PALM2AKAP2: variants seen among roughly 807,000 people sequenced by gnomAD.
PALM2AKAP2 encodes the protein PALM2 and AKAP2 fusion, also known as PALM2-AKAP2 fusion protein.
In PALM2AKAP2, 37 loss-of-function variants were observed where a neutral mutation model predicts 71.5. That is an observed-to-expected ratio of 0.52 (90% CI 0.40 to 0.68). PALM2AKAP2 has a LOEUF of 0.68. Among genes scored for constraint, PALM2AKAP2 ranks in the 30% least tolerant of loss-of-function variants. The pLI, the probability that PALM2AKAP2 is intolerant of heterozygous loss-of-function variation, is 0.00. For missense variants in PALM2AKAP2, 1,224 were observed against 1,191.8 expected (o/e 1.03, Z -0.40); for synonymous variants, 468 against 478.8 (o/e 0.98, Z 0.29).
At chr9:109,866,956 G>T in intron 1 of PALM2AKAP2, 1 of 448,284 alleles carries the variant, frequency 2.2e-6, no homozygotes, top group Non-Finnish European at 4.5e-6. Context: ...CATTTGCATT[G>T]TTTGGTATGT....
intron 1 of PALM2AKAP2, among the ~76,000 whole-genome samples, chr9:109,720,340 G>A (rs1453998841): frequency 6.6e-6 from 1 of 152,134 alleles, no homozygotes; most frequent in African/African-American, 2.4e-5. Flanking sequence ...ATAAATGAGA[G>A]GGAACAGATG....
rs115211166 is a variant in PALM2AKAP2 at position 109,891,454 on chromosome 9, G to A, written c.257+10773G>A. 6.8e-3 allele frequency among the ~76,000 whole-genome samples: 1,042 copies of A among 152,152 alleles called. 8 individuals are homozygous for A. The highest frequency in any genetic ancestry group is 0.013 in the African/African-American group (529 of 41,474). ...ATGGAGATGAAGACTTTTACAGGTC[G>A]CAGGGGAACACTGACATGTCACTCA... On this transcript the variant is annotated intron_variant, in intron 3 of 9. Coordinates refer to the PALM2AKAP2 transcript ENST00000302798.
intron 1 of PALM2AKAP2, among the ~76,000 whole-genome samples, chr9:109,799,028 C>T (rs1012632455): frequency 6.6e-6 from 1 of 152,178 alleles, no homozygotes; most frequent in Admixed American, 6.5e-5. Flanking sequence ...TCACGGATCC[C>T]CTTGCTGTGC....
chr9:109,899,366 C>G (rs1830278611), intron 3 of PALM2AKAP2, among the ~76,000 whole-genome samples: 2 of 152,182 alleles, frequency 1.3e-5, no homozygotes, highest in Non-Finnish European at 2.9e-5. Context: ...TTGATTCCTT[C>G]TACACTTTTT....
intron 3 of PALM2AKAP2, among the ~76,000 whole-genome samples, chr9:109,919,520 T>C (rs1205603685): frequency 6.6e-6 from 1 of 152,150 alleles, no homozygotes; most frequent in Non-Finnish European, 1.5e-5. Flanking sequence ...AGGTGTGCCC[T>C]GTTTCCCTCC....
intron 1 of PALM2AKAP2, among the ~76,000 whole-genome samples, chr9:109,781,417 G>A (rs1420935889): frequency 3.9e-5 from 6 of 152,128 alleles, no homozygotes; most frequent in Non-Finnish European, 8.8e-5. Context: ...AAGAAGGTCC[G>A]TTAACATATT....
chr9:109,840,506 A>C (rs1487110244), intron 1 of PALM2AKAP2, among the ~76,000 whole-genome samples: 3 of 152,212 alleles, frequency 2.0e-5, no homozygotes, highest in East Asian at 3.8e-4. Flanking sequence ...CAGAAGCCAA[A>C]ATTGACAAAT....
chr9:109,887,688 C>G (rs903544220), intron 3 of PALM2AKAP2, among the ~76,000 whole-genome samples: 1 of 151,486 alleles, frequency 6.6e-6, no homozygotes, highest in Non-Finnish European at 1.5e-5. Flanking sequence ...ACTTGCTGCC[C>G]CCCCCTAAAA....
chr9:109,921,503 G>A (rs750661376), intron 3 of PALM2AKAP2, among the ~76,000 whole-genome samples: 7 of 152,186 alleles, frequency 4.6e-5, no homozygotes, highest in African/African-American at 7.2e-5. Context: ...TCAGTTGAGA[G>A]CCACTGCTCT....
At chr9:109,928,393 C>G (rs1424236606) in intron 5 of PALM2AKAP2, among the ~76,000 whole-genome samples, 2 of 152,230 alleles carry the variant, frequency 1.3e-5, no homozygotes, top group Non-Finnish European at 2.9e-5. Context: ...TCTTTAATTT[C>G]TACTCTATAA....
chr9:110,065,702 T>A (rs1373294749), intron 1 of PALM2AKAP2, among the ~76,000 whole-genome samples: 2 of 152,180 alleles, frequency 1.3e-5, no homozygotes, highest in Non-Finnish European at 2.9e-5. Context: ...GCAATAACTA[T>A]CCCTTCCTTC....
intron 1 of PALM2AKAP2, among the ~76,000 whole-genome samples, chr9:109,714,197 A>G (rs1295773971): frequency 6.6e-6 from 1 of 152,198 alleles, no homozygotes; most frequent in Non-Finnish European, 1.5e-5. Flanking sequence ...GTTACTTCCA[A>G]TTGTTAACCT....
intron 6 of PALM2AKAP2, among the ~76,000 whole-genome samples, chr9:109,996,235 G>A (rs1832572872): frequency 1.3e-5 from 2 of 152,168 alleles, no homozygotes; most frequent in African/African-American, 4.8e-5. Context: ...GTAAAATAAG[G>A]GTGGCAAACT....
intron 1 of PALM2AKAP2, among the ~76,000 whole-genome samples, chr9:109,805,119 C>T (rs1048275372): frequency 6.6e-6 from 1 of 152,124 alleles, no homozygotes; most frequent in Non-Finnish European, 1.5e-5. Context: ...GAAGAAACAG[C>T]TTAAGGGTTT....
At chr9:109,757,345 A>C (rs1241177474) in intron 1 of PALM2AKAP2, among the ~76,000 whole-genome samples, 1 of 152,156 alleles carries the variant, frequency 6.6e-6, no homozygotes, top group Non-Finnish European at 1.5e-5. Context: ...TCCTTCTTTC[A>C]TACCAATGCG....
intron 1 of PALM2AKAP2, among the ~76,000 whole-genome samples, chr9:109,809,300 G>C (rs181775086): frequency 6.6e-6 from 1 of 152,196 alleles, no homozygotes; most frequent in Non-Finnish European, 1.5e-5. Context: ...AGCCAAAGGA[G>C]CAGAGCTGCC....
rs550155324 is a variant in PALM2AKAP2, at chr9:110,168,377, AT to A, written c.2749-16del. The A allele has an allele frequency of 1.6e-3, 2,638 of 1,610,978 alleles. 3 individuals carry two copies. The highest frequency in any genetic ancestry group is 2.6e-3 in the Admixed American group (152 of 59,090). ...AATTAACATCCATGAACTCTGCATA[AT>A]TTTTTCCCCTCTCTTTACAGGTCCT... is the stretch of plus-strand genomic sequence containing the variant. On this transcript the variant is annotated intron_variant, in intron 3 of 3. Coordinates refer to ENST00000374525, the Ensembl canonical transcript of PALM2AKAP2.
At chr9:110,024,949 G>A in intron 7 of PALM2AKAP2, 1 of 1,390,920 alleles carries the variant, frequency 7.2e-7, no homozygotes, top group South Asian at 1.2e-5. Flanking sequence ...CTCACAAAGT[G>A]TGCTTCTCTG....
intron 7 of PALM2AKAP2, among the ~76,000 whole-genome samples, chr9:110,039,321 T>G (rs940777339): frequency 7.9e-5 from 12 of 152,334 alleles, no homozygotes; most frequent in Non-Finnish European, 2.9e-5. Flanking sequence ...TTTAGTACAG[T>G]ATTATTAACT....
Sources: allele counts gnomAD v4.1 joint callset (sites outside exome capture counted in the v4.1 genomes callset), GRCh38; gene constraint gnomAD v4.1.1; transcripts MANE v1.5; gene names NCBI Gene and HGNC (gene_info 2026-07-23, HGNC 2026-07-21).